MED27: variants seen among roughly 807,000 people sequenced by gnomAD.
The protein encoded by MED27 is mediator of RNA polymerase II transcription subunit 27.
A neutral mutation model predicts 38.2 loss-of-function variants in MED27; 30 were observed. The ratio of observed to expected loss-of-function variants is 0.79; its 90% CI spans 0.59 to 1.07. The LOEUF (loss-of-function observed/expected upper bound fraction) is 1.07, where lower values mean the gene tolerates loss of function less well. MED27 is among the 50% of genes least tolerant of loss of function. The probability of loss-of-function intolerance (pLI) is 0.00; values close to 1 mark genes in which losing one functional copy is unlikely to be tolerated. For synonymous variants in MED27, 122 were observed against 153.5 expected, an observed-to-expected ratio of 0.79 and a Z score of 1.52; for missense variants, 289 against 397.5, an observed-to-expected ratio of 0.73 and a Z score of 2.32.
At position 132,079,652 on chromosome 9, in the gene MED27, G is replaced by A. The variant is rs763708478; in HGVS notation, c.193C>T (p.Arg65Trp). ...HFQDNLHSVN[R>W]DLNELERLSN... ...TCAGCCGGTACCTACTTGAGGTCCC[G>A]GTTGACCGAATGTAAGTTGTCCTGG... is the stretch of plus-strand genomic sequence containing the variant. Residue 65 changes from arginine to tryptophan, a missense_variant, in exon 1 of 8, where the codon CGG (arginine) becomes TGG (tryptophan). By Grantham distance (101) the Arg-to-Trp change is moderately radical (BLOSUM62 -3). Coordinates refer to ENST00000292035, the MANE Select transcript of MED27 (RefSeq NM_004269.4). The A allele has an allele frequency of 1.2e-6, 2 of 1,612,114 alleles. No homozygotes were observed. Among genetic ancestry groups the A allele is most frequent in the Admixed American group, 1.7e-5 (1 of 59,988 alleles).
At chr9:131,868,731 C>G (rs948157157) in intron 6 of MED27, 10 of 985,376 alleles carry the variant, frequency 1.0e-5, no homozygotes, top group Admixed American at 1.2e-4. Context: ...CCCCGCTCTC[C>G]CAGTTTGCAG....
At chr9:132,062,032 T>C (rs1008706718) in intron 2 of MED27, among the ~76,000 whole-genome samples, 2 of 152,178 alleles carry the variant, frequency 1.3e-5, no homozygotes, top group African/African-American at 2.4e-5. Flanking sequence ...ACACAGGAGT[T>C]AGTAGTCATC....
At chr9:131,897,579 C>G (rs3924215) in intron 4 of MED27, among the ~76,000 whole-genome samples, 2 of 152,102 alleles carry the variant, frequency 1.3e-5, no homozygotes, top group African/African-American at 4.8e-5. Flanking sequence ...ACTGAAATAT[C>G]TACAGATGAA....
chr9:132,032,366 C>CT (rs1225056135), intron 2 of MED27, among the ~76,000 whole-genome samples: 1 of 152,022 alleles, frequency 6.6e-6, no homozygotes, highest in Admixed American at 6.6e-5. Flanking sequence ...GAATGCAACT[C>CT]TGGTCTGTAC....
chr9:131,921,584 A>C (rs1451664090), intron 4 of MED27, among the ~76,000 whole-genome samples: 1 of 152,258 alleles, frequency 6.6e-6, no homozygotes, highest in African/African-American at 2.4e-5. Context: ...GTGGGACTGT[A>C]AACTAGTTCA....
intron 3 of MED27, 29 bp from the exon 4 acceptor site, chr9:131,939,503 A>C (rs1830746111): frequency 2.1e-6 from 3 of 1,432,598 alleles, no homozygotes; most frequent in African/African-American, 2.8e-5. Context: ...AACATGTGTG[A>C]ACTACAACTC....
At chr9:132,029,410 T>C (rs1832901074) in intron 2 of MED27, among the ~76,000 whole-genome samples, 1 of 152,182 alleles carries the variant, frequency 6.6e-6, no homozygotes, top group African/African-American at 2.4e-5. Flanking sequence ...TAATTTGCTT[T>C]CTTTGCCTTT....
intron 3 of MED27, among the ~76,000 whole-genome samples, chr9:131,942,953 A>G (rs1297870321): frequency 1.3e-5 from 2 of 152,226 alleles, no homozygotes; most frequent in Non-Finnish European, 2.9e-5. Flanking sequence ...ATAAGTTCCT[A>G]GGAAAAATAT....
intron 4 of MED27, among the ~76,000 whole-genome samples, chr9:131,920,287 T>C (rs1186096298): frequency 6.6e-6 from 1 of 152,254 alleles, no homozygotes; most frequent in Non-Finnish European, 1.5e-5. Context: ...GGTATATGTC[T>C]GTTTTTCTCA....
chr9:131,973,801 G>A (rs1222201249), intron 3 of MED27, among the ~76,000 whole-genome samples: 1 of 151,994 alleles, frequency 6.6e-6, no homozygotes, highest in Non-Finnish European at 1.5e-5. Flanking sequence ...TCCACCTCCC[G>A]GGTTCACACC....
intron 6 of MED27, among the ~76,000 whole-genome samples, chr9:131,863,511 A>C (rs1010539293): frequency 1.3e-5 from 2 of 152,198 alleles, no homozygotes; most frequent in African/African-American, 4.8e-5. Context: ...CACATACGAC[A>C]AGGAGCACTT....
chr9:131,987,945 C>T (rs1831889245), intron 3 of MED27, among the ~76,000 whole-genome samples: 1 of 152,216 alleles, frequency 6.6e-6, no homozygotes. Flanking sequence ...AGAGAGTGTG[C>T]TCCAAGGTCC....
intron 3 of MED27, among the ~76,000 whole-genome samples, chr9:131,984,729 G>A (rs1831812247): frequency 6.6e-6 from 1 of 152,202 alleles, no homozygotes; most frequent in Non-Finnish European, 1.5e-5. Context: ...TTGCTGGTCT[G>A]CTGTGAACTC....
At chr9:132,035,943 G>T (rs926751687) in intron 2 of MED27, among the ~76,000 whole-genome samples, 1 of 151,948 alleles carries the variant, frequency 6.6e-6, no homozygotes, top group Admixed American at 6.6e-5. Context: ...CCCAGCCTGG[G>T]CAATAGAGCA....
chr9:131,995,368 T>G (rs4382592), intron 3 of MED27, among the ~76,000 whole-genome samples: 84,500 of 151,676 alleles, frequency 0.56, 26,513 homozygotes, highest in Non-Finnish European at 0.69. Context: ...CAGCATGGAC[T>G]TGCACTTATT....
At chr9:131,902,036 A>G (rs1829956997) in intron 4 of MED27, among the ~76,000 whole-genome samples, 1 of 152,126 alleles carries the variant, frequency 6.6e-6, no homozygotes, top group South Asian at 2.1e-4. Flanking sequence ...ATGGTGACCA[A>G]AGAGCCTTGA....
chr9:131,976,461 T>C (rs1831610178), intron 3 of MED27, among the ~76,000 whole-genome samples: 1 of 152,216 alleles, frequency 6.6e-6, no homozygotes, highest in South Asian at 2.1e-4. Context: ...GTATTATTAG[T>C]AGGTTATCTT....
chr9:131,939,524 C>A, intron 3 of MED27, 50 bp from the exon 4 acceptor site: 1 of 1,202,656 alleles, frequency 8.3e-7, no homozygotes, highest in South Asian at 1.4e-5. Flanking sequence ...CAGTTAAGAG[C>A]TACAGATTAA....
rs12341692 is a variant in MED27, at chr9:131,974,924, T to C, written c.480-35450A>G. On this transcript the variant is annotated intron_variant, in intron 3 of 7. Coordinates refer to ENST00000292035, the MANE Select transcript of MED27 (RefSeq NM_004269.4). Reference sequence around the variant, plus strand: ...TTCCCTCAGTTCAGAAGGGCATATATCTTTTTTTAAGACCAGTAAACCCAA... The same window carrying C: ...TTCCCTCAGTTCAGAAGGGCATATACCTTTTTTTAAGACCAGTAAACCCAA... Among the ~76,000 whole-genome samples, 542 of 152,278 alleles carry C rather than the reference T, an allele frequency of 3.6e-3. 1 individual carries two copies. Among genetic ancestry groups the C allele is most frequent in the African/African-American group, 0.012 (514 of 41,548 alleles).
Sources: allele counts gnomAD v4.1 joint callset (sites outside exome capture counted in the v4.1 genomes callset), GRCh38; gene constraint gnomAD v4.1.1; transcripts MANE v1.5; gene names NCBI Gene and HGNC (gene_info 2026-07-23, HGNC 2026-07-21).